Variants in HS2ST1 observed in about 807,000 individuals in gnomAD.
HS2ST1 encodes heparan sulfate 2-O-sulfotransferase 1.
Under a neutral mutation model 42.9 loss-of-function variants are expected in HS2ST1, and 18 were observed. The observed-to-expected ratio is 0.42, with a 90% CI of 0.29 to 0.62. HS2ST1 has a LOEUF of 0.62. Among genes scored for constraint, HS2ST1 ranks in the 20% least tolerant of loss-of-function variants. The probability of loss-of-function intolerance (pLI) is 0.21; values close to 1 mark genes in which losing one functional copy is unlikely to be tolerated. For synonymous variants in HS2ST1, 146 were observed against 152.9 expected (o/e 0.95, Z 0.33); for missense variants, 334 against 433.8 (o/e 0.77, Z 2.04).
chr1:86,964,998 A>G (rs1192436142), intron 1 of HS2ST1, among the ~76,000 whole-genome samples: 1 of 152,220 alleles, frequency 6.6e-6, no homozygotes, highest in East Asian at 1.9e-4. Flanking sequence ...ATACATTTGT[A>G]GTATTACTGA....
chr1:86,999,973 A>G (rs12036844), intron 1 of HS2ST1, among the ~76,000 whole-genome samples: 105,890 of 152,036 alleles, frequency 0.7, 39,164 homozygotes, highest in East Asian at 0.97. Context: ...TGCCAAAAAA[A>G]GGGAGAAAAT....
In HS2ST1 at chr1:87,091,653, A is replaced by G. The variant is rs75274718; in HGVS notation, c.450-878A>G. Among the ~76,000 whole-genome samples the G allele has an allele frequency of 9.2e-3, 1,370 of 148,700 alleles. 22 individuals are homozygous for G. The highest frequency in any genetic ancestry group is 0.032 in the African/African-American group (1,295 of 40,538). ...GGTAAAGAGAAAGAATGATGAAGAC[A>G]GGTCACATCTGCGAGAAAGCTTACA... On this transcript the variant is annotated intron_variant, in intron 3 of 6. Coordinates refer to ENST00000370550, the MANE Select transcript of HS2ST1 (RefSeq NM_012262.4).
At chr1:86,971,763 T>G (rs1176658219) in intron 1 of HS2ST1, among the ~76,000 whole-genome samples, 1 of 152,198 alleles carries the variant, frequency 6.6e-6, no homozygotes, top group Admixed American at 6.5e-5. Flanking sequence ...TGTAGGAATT[T>G]TGTGCAACAA....
At chr1:87,046,480 G>A (rs897434090) in intron 1 of HS2ST1, 1 of 1,139,256 alleles carries the variant, frequency 8.8e-7, no homozygotes, top group Admixed American at 1.7e-5. Flanking sequence ...CTAAGGAATG[G>A]GCTAAATCAA....
intron 1 of HS2ST1, among the ~76,000 whole-genome samples, chr1:87,067,255 A>T (rs1329446369): frequency 6.6e-6 from 1 of 152,078 alleles, no homozygotes; most frequent in Non-Finnish European, 1.5e-5. Flanking sequence ...CTTTTTAATG[A>T]TTGCCATTCT....
At chr1:87,011,583 A>G (rs1649599051) in intron 1 of HS2ST1, among the ~76,000 whole-genome samples, 1 of 152,162 alleles carries the variant, frequency 6.6e-6, no homozygotes, top group African/African-American at 2.4e-5. Context: ...GATTGATTTT[A>G]TAAATGGGTT....
chr1:87,075,748 A>AC (rs1651524938), intron 2 of HS2ST1, among the ~76,000 whole-genome samples: 1 of 152,088 alleles, frequency 6.6e-6, no homozygotes, highest in African/African-American at 2.4e-5. Context: ...TAAACTGTTT[A>AC]CCTGCTTAAT....
chr1:86,941,877 T>A (rs1434587712), intron 1 of HS2ST1, among the ~76,000 whole-genome samples: 1 of 152,202 alleles, frequency 6.6e-6, no homozygotes, highest in East Asian at 1.9e-4. Context: ...CAAGTAGAGT[T>A]TATCTTTTTC....
At chr1:86,968,721 G>T (rs1009939328) in intron 1 of HS2ST1, among the ~76,000 whole-genome samples, 2 of 151,994 alleles carry the variant, frequency 1.3e-5, no homozygotes, top group Admixed American at 6.6e-5. Context: ...CCTCATAAGT[G>T]GTTCTTCTAA....
intron 1 of HS2ST1, among the ~76,000 whole-genome samples, chr1:86,994,145 A>C (rs1649030700): frequency 6.6e-6 from 1 of 152,230 alleles, no homozygotes; most frequent in Non-Finnish European, 1.5e-5. Context: ...CCTATGAAGC[A>C]TCATTGTACA....
chr1:86,950,954 A>G (rs78636313), intron 1 of HS2ST1, among the ~76,000 whole-genome samples: 2,105 of 152,250 alleles, frequency 0.014, 56 homozygotes, highest in African/African-American at 0.048. Flanking sequence ...TCAAGTTTCT[A>G]CAGTCCTTTC....
chr1:86,990,237 A>G (rs905912697), intron 1 of HS2ST1, among the ~76,000 whole-genome samples: 3 of 152,148 alleles, frequency 2.0e-5, no homozygotes, highest in African/African-American at 7.2e-5. Flanking sequence ...TTAAAATGCA[A>G]TGTTGTTTAT....
chr1:87,001,163 G>A (rs769901064), intron 1 of HS2ST1, among the ~76,000 whole-genome samples: 1 of 152,282 alleles, frequency 6.6e-6, no homozygotes, highest in African/African-American at 2.4e-5. Flanking sequence ...CCAAAATGTT[G>A]TGTGGAGATA....
At chr1:87,073,442 T>C (rs1553142317) in intron 2 of HS2ST1, among the ~76,000 whole-genome samples, 1 of 152,204 alleles carries the variant, frequency 6.6e-6, no homozygotes, top group Non-Finnish European at 1.5e-5. Context: ...TTCCTGAGCA[T>C]AGTATCCTTT....
chr1:87,023,537 C>T (rs938675819), intron 1 of HS2ST1, among the ~76,000 whole-genome samples: 4 of 151,354 alleles, frequency 2.6e-5, no homozygotes, highest in Non-Finnish European at 5.9e-5. Context: ...ATAATATATC[C>T]TTGTGTATCT....
At chr1:87,027,209 C>G (rs1025448928) in intron 1 of HS2ST1, among the ~76,000 whole-genome samples, 1 of 152,096 alleles carries the variant, frequency 6.6e-6, no homozygotes, top group African/African-American at 2.4e-5. Context: ...GAGAGGCTTC[C>G]ACACCCTATT....
intron 1 of HS2ST1, among the ~76,000 whole-genome samples, chr1:87,055,194 G>C (rs1650929818): frequency 6.6e-6 from 1 of 152,088 alleles, no homozygotes; most frequent in Admixed American, 6.6e-5. Context: ...ATGAAAATGG[G>C]CTCTTCCACA....
At chr1:87,009,710 T>A (rs1194217999) in intron 1 of HS2ST1, among the ~76,000 whole-genome samples, 1 of 152,012 alleles carries the variant, frequency 6.6e-6, no homozygotes. Context: ...GAGGAAGGTG[T>A]GATAGCAGGA....
intron 3 of HS2ST1, among the ~76,000 whole-genome samples, chr1:87,085,172 T>C (rs1651791294): frequency 6.6e-6 from 1 of 152,190 alleles, no homozygotes; most frequent in Admixed American, 6.5e-5. Flanking sequence ...TTCCCTAAGA[T>C]TCTGCATTAA....
Sources: gnomAD v4.1 joint callset for allele counts (sites outside exome capture counted in the v4.1 genomes callset) on GRCh38, gnomAD v4.1.1 for gene constraint, MANE v1.5 for transcripts, NCBI Gene and HGNC (gene_info 2026-07-23, HGNC 2026-07-21) for gene names.